The following ZNF274 variants were observed in gnomAD, a reference collection of about 807,000 sequenced individuals.
ZNF274 encodes the protein neurotrophin receptor-interacting factor homolog.
ZNF274 carries 23 observed loss-of-function variants against 42.5 expected under a neutral mutation model. The observed-to-expected ratio is 0.54, with a 90% CI of 0.39 to 0.77. The LOEUF is 0.77. ZNF274 is among the 30% of genes least tolerant of loss of function. The probability of loss-of-function intolerance (pLI) is 0.00; values close to 1 mark genes in which losing one functional copy is unlikely to be tolerated. For synonymous variants in ZNF274, 292 were observed against 305.4 expected, an observed-to-expected ratio of 0.96 and a Z score of 0.46; for missense variants, 679 against 806.5, an observed-to-expected ratio of 0.84 and a Z score of 1.91.
intron 4 of ZNF274, among the ~76,000 whole-genome samples, chr19:58,196,411 A>G (rs2075843003): frequency 6.6e-6 from 1 of 152,164 alleles, no homozygotes; most frequent in Non-Finnish European, 1.5e-5. Flanking sequence ...AAATAGAAAA[A>G]ATTAGCCACA....
chr19:58,203,410 CCT>C (rs1568707635), intron 4 of ZNF274, among the ~76,000 whole-genome samples: 3 of 152,104 alleles, frequency 2.0e-5, no homozygotes, highest in African/African-American at 7.2e-5. Context: ...ATGGCGAAAC[CCT>C]GTCTCTACTA....
Position 58,213,271 on chromosome 19 carries a change from A to G in ZNF274, c.*128A>G. 2 of 1,194,250 alleles carry G rather than the reference A, an allele frequency of 1.7e-6. No homozygotes were observed. The highest frequency in any genetic ancestry group is 1.1e-6 in the Non-Finnish European group (1 of 878,150). 74.0% of individuals were successfully genotyped at this position (1,194,250 alleles called of 1,614,324 possible). A position where few individuals can be genotyped will look rare whatever the true frequency, so the allele number is the denominator to read the frequency against. ...TGAGTGAGGACATTCCCAAAACCAA[A>G]GGACAACTGAGGAGACTGCCCAGCA... On this transcript the variant is annotated 3_prime_UTR_variant, in exon 8 of 8. Transcript: ENST00000617501.
At chr19:58,188,003 G>C (rs1040862054) in intron 4 of ZNF274, among the ~76,000 whole-genome samples, 2 of 152,178 alleles carry the variant, frequency 1.3e-5, no homozygotes, top group Non-Finnish European at 2.9e-5. Context: ...GGGATTACAG[G>C]CATGAGCCAT....
chr19:58,208,744 G>T lies in ZNF274; in HGVS notation c.740-1217G>T, dbSNP rs1448250796. 1 of 152,190 alleles carries T rather than the reference G, an allele frequency of 6.6e-6. No homozygotes were observed. The highest frequency in any genetic ancestry group is 1.5e-5 in the Non-Finnish European group (1 of 68,030). 9.4% of individuals were successfully genotyped at this position (152,190 alleles called of 1,614,324 possible). On this transcript the variant is annotated intron_variant, in intron 5 of 7. Transcript: ENST00000617501. The surrounding 1 kb of genome is among the most constrained non-coding windows in gnomAD (Gnocchi z 4.5). ...GACTTCTCATCTCCAGAACCATAAGGTAATACATTTGCATTAATCTGAGCC... is the reference window on the plus strand; with the variant it reads ...GACTTCTCATCTCCAGAACCATAAGTTAATACATTTGCATTAATCTGAGCC...
Position 58,211,571 on chromosome 19 carries a change from C to T in ZNF274, c.864C>T (p.Thr288=), listed in dbSNP as rs2146253712. The change falls in exon 7 of 8, where the codon ACC becomes ACT. Residue 288 remains threonine, a synonymous_variant. Transcript: ENST00000617501. This position sits in a 1 kb window ranked among gnomAD's most constrained non-coding sequence, Gnocchi z 4.8. Reference sequence around the variant, plus strand: ...ATGTGATGTTACAGGAGCCAGTGACCTTCCAGGATGTGGCTGTGGACTTCA... The same window carrying T: ...ATGTGATGTTACAGGAGCCAGTGACTTTCCAGGATGTGGCTGTGGACTTCA... ...PVTVLPEEPV[T]FQDVAVDFSR... 1 of 1,612,916 alleles carries T rather than the reference C, an allele frequency of 6.2e-7. No homozygotes were observed. The highest frequency in any genetic ancestry group is 1.3e-5 in the African/African-American group (1 of 75,000).
Position 58,206,814 on chromosome 19 carries a change from C to T in ZNF274, c.351C>T (p.Asn117=). 6.2e-7 allele frequency: 1 copy of T among 1,613,960 alleles called. No individual in the cohort carries two copies. Among genetic ancestry groups the T allele is most frequent in the Non-Finnish European group, 8.5e-7 (1 of 1,179,872 alleles). The stretch of plus-strand genomic sequence containing the variant: ...AGGTTGTTGAGGTCCTCACACTGAA[C>T]CAGGAGGTGGCTGGTCCCCGGAATG... The part of the protein sequence containing the change: ...NIEVVEVLTL[N]QEVAGPRNAQ... The change falls in exon 5 of 8, where the codon AAC becomes AAT. Residue 117 remains asparagine, a synonymous_variant. Transcript: ENST00000617501.
chr19:58,183,645 G>A (rs557276739), intron 1 of ZNF274: 38 of 257,676 alleles, frequency 1.5e-4, no homozygotes, highest in African/African-American at 8.0e-4. Context: ...GGGGCGCCGC[G>A]GTGGAGAGAA....
Position 58,183,907 on chromosome 19 carries a change from T to C in ZNF274, c.-45-14T>C. ...TTAAGCCTCTCCCTCCCCTCCCAACTTCGGTTTCCTCAGGACTCTGCCCAC... is the reference window on the plus strand; with the variant it reads ...TTAAGCCTCTCCCTCCCCTCCCAACCTCGGTTTCCTCAGGACTCTGCCCAC... On this transcript the variant is annotated splice_polypyrimidine_tract_variant and intron_variant, in intron 1 of 7. Coordinates refer to ENST00000617501, the MANE Select transcript of ZNF274 (RefSeq NM_133502.3). The C allele has an allele frequency of 6.4e-7, 1 of 1,553,730 alleles. No homozygotes were observed. Among genetic ancestry groups the C allele is most frequent in the Admixed American group, 1.9e-5 (1 of 51,288 alleles).
At chr19:58,199,521 GACCAGCCTGGCCAACATGGTGA>G (rs2075884327) in intron 4 of ZNF274, among the ~76,000 whole-genome samples, 2 of 152,306 alleles carry the variant, frequency 1.3e-5, no homozygotes, top group Admixed American at 1.3e-4. Flanking sequence ...AGGAGTTCAA[GACCAGCCTGGCCAACATGGTGA>G]AACTCTGTCT....
At chr19:58,185,584 A>T (rs1433423505) in intron 2 of ZNF274, 128 bp from the exon 3 acceptor site, 1 of 1,019,278 alleles carries the variant, frequency 9.8e-7, no homozygotes, top group Non-Finnish European at 1.3e-6. Flanking sequence ...TCAGGATGAG[A>T]CTCCCAAAAT....
At chr19:58,194,944 T>C (rs1427987944) in intron 4 of ZNF274, among the ~76,000 whole-genome samples, 3 of 152,024 alleles carry the variant, frequency 2.0e-5, no homozygotes, top group Non-Finnish European at 4.4e-5. Context: ...GAGCTTGCAG[T>C]GAGCTGAAAT....
chr19:58,202,534 A>C (rs550107568), intron 4 of ZNF274: 2 of 152,364 alleles, frequency 1.3e-5, no homozygotes, highest in African/African-American at 4.8e-5. Context: ...CTACATTGCT[A>C]CGGGCTCATT....
rs2075990285 is a variant in ZNF274 at position 58,207,210 on chromosome 19, G to A, written c.739+8G>A. ...GGATGTCTGAGGAGGAAGGTAAGTA[G>A]AAGGGTGGGTAGAGGGACAGCTTAA... On this transcript the variant is annotated splice_region_variant and intron_variant, in intron 5 of 7. Transcript: ENST00000617501. The surrounding 1 kb of genome is among the most constrained non-coding windows in gnomAD (Gnocchi z 5.6). 6.2e-7 allele frequency: 1 copy of A among 1,605,712 alleles called. No homozygotes were observed. The highest frequency in any genetic ancestry group is 1.3e-5 in the African/African-American group (1 of 74,946).
At chr19:58,195,750 G>A (rs1160083063) in intron 4 of ZNF274, among the ~76,000 whole-genome samples, 2 of 152,136 alleles carry the variant, frequency 1.3e-5, no homozygotes, top group East Asian at 1.9e-4. Flanking sequence ...AGATGAAACT[G>A]TTCCACCCCA....
At position 58,186,979 on chromosome 19, in the gene ZNF274, C is replaced by G. The variant is rs1568696387; in HGVS notation, c.193C>G (p.Gln65Glu). 6.2e-7 allele frequency: 1 copy of G among 1,613,762 alleles called. No homozygotes were observed. The highest frequency in any genetic ancestry group is 8.5e-7 in the Non-Finnish European group (1 of 1,179,814). ...HQLSKPDVVS[Q>E]LEEAEDFWPV... ...GCTTTCCAAACCAGATGTGGTATCTCAGTTAGAGGAGGCAGAAGATTTCTG... is the reference window on the plus strand; with the variant it reads ...GCTTTCCAAACCAGATGTGGTATCTGAGTTAGAGGAGGCAGAAGATTTCTG... Residue 65 changes from glutamine to glutamate, a missense_variant, in exon 4 of 8, where the codon CAG becomes GAG. Gln to Glu is a conservative substitution (Grantham distance 29). Transcript: ENST00000617501.
In ZNF274 at chr19:58,195,720, G is replaced by C. The variant is rs191726932; in HGVS notation, c.256+8678G>C. Among the ~76,000 whole-genome samples, 701 of 152,224 alleles carry C rather than the reference G, an allele frequency of 4.6e-3. 2 individuals carry two copies. Among genetic ancestry groups the C allele is most frequent in the Non-Finnish European group, 7.5e-3 (509 of 68,000 alleles). On this transcript the variant is annotated intron_variant, in intron 4 of 7. Transcript: ENST00000617501. ...AAGACAGTTTTTCCGTGGACCTTGG[G>C]GTGGGGAGGGATAGTTTTGAGATGA...
Position 58,212,164 on chromosome 19 carries a change from G to A in ZNF274, c.983G>A (p.Trp328Ter). 6.3e-7 allele frequency: 1 copy of A among 1,598,558 alleles called. No homozygotes were observed. Among genetic ancestry groups the A allele is most frequent in the Non-Finnish European group, 8.5e-7 (1 of 1,176,618 alleles). The part of the protein sequence containing the change: ...ETFGHLVSVG[W>*]ETTLENKELA... ...ATCTTTTGTTTATTTTTTTCAGGGT[G>A]GGAGACTACACTGGAAAATAAAGAG... The change falls in exon 8 of 8, where the codon TGG becomes TAG. Residue 328 changes from tryptophan (W) to a stop codon, truncating the protein, a stop_gained. Coordinates refer to ENST00000617501, the MANE Select transcript of ZNF274 (RefSeq NM_133502.3). LOFTEE classifies it low-confidence loss of function (END_TRUNC). The surrounding 1 kb of genome is among the most constrained non-coding windows in gnomAD (Gnocchi z 4.6).
rs115086297 is a variant in ZNF274 at position 58,200,802 on chromosome 19, A to G, written c.257-5918A>G. ...AGGCCGTTCTTAAATTGCTGTAAAT[A>G]CCTGAGACTGGGTTATTTATGAAGA... On this transcript the variant is annotated intron_variant, in intron 4 of 7. Transcript: ENST00000617501. Among the ~76,000 whole-genome samples the G allele has an allele frequency of 6.2e-3, 946 of 152,194 alleles. 10 individuals are homozygous for G. The highest frequency in any genetic ancestry group is 0.022 in the African/African-American group (916 of 41,510).
chr19:58,199,081 T>C (rs2075877940), intron 4 of ZNF274, among the ~76,000 whole-genome samples: 1 of 152,002 alleles, frequency 6.6e-6, no homozygotes, highest in Non-Finnish European at 1.5e-5. Context: ...AATGATACTA[T>C]TTGGCTGGGC....
Sources: gnomAD v4.1 joint callset for allele counts (sites outside exome capture counted in the v4.1 genomes callset) on GRCh38, gnomAD v4.1.1 for gene constraint, Gnocchi (gnomAD v3.1) non-coding constraint, MANE v1.5 for transcripts, NCBI Gene and HGNC (gene_info 2026-07-23, HGNC 2026-07-21) for gene names.